The following NDE1 variants were observed in gnomAD, a reference collection of about 807,000 sequenced individuals.
NDE1 encodes the protein nuclear distribution protein nudE homolog 1.
Under a neutral mutation model 43.4 loss-of-function variants are expected in NDE1, and 28 were observed. The observed-to-expected ratio is 0.65, with a 90% confidence interval of 0.48 to 0.89. The LOEUF (loss-of-function observed/expected upper bound fraction) is 0.89. Among genes scored for constraint, NDE1 ranks in the 40% least tolerant of loss-of-function variants. The probability of loss-of-function intolerance (pLI) is 0.00; values close to 1 mark genes in which losing one functional copy is unlikely to be tolerated. For missense variants in NDE1, 441 were observed against 434.1 expected (o/e 1.02, Z -0.14); for synonymous variants, 184 against 172.0 (o/e 1.07, Z -0.55).
At chr16:15,678,395 A>G (rs902306495) in intron 4 of NDE1, among the ~76,000 whole-genome samples, 1 of 151,848 alleles carries the variant, frequency 6.6e-6, no homozygotes, top group Non-Finnish European at 1.5e-5. Context: ...GGAGACGGAG[A>G]GTCTCTGTCG....
intron 2 of NDE1, among the ~76,000 whole-genome samples, chr16:15,666,866 C>T (rs969194892): frequency 3.9e-5 from 6 of 152,168 alleles, no homozygotes; most frequent in African/African-American, 1.4e-4. Flanking sequence ...TCAAGTAATT[C>T]TTAATGAGCC....
chr16:15,712,520 TG>T (rs1355577256), intron 8 of NDE1, among the ~76,000 whole-genome samples: 1 of 152,026 alleles, frequency 6.6e-6, no homozygotes, highest in African/African-American at 2.4e-5. Flanking sequence ...TAGCTTGAAC[TG>T]GGAGGCAGAG....
Position 15,664,846 on chromosome 16 carries a change from T to C in NDE1, c.68T>C (p.Met23Thr). The C allele has an allele frequency of 3.1e-6, 5 of 1,613,222 alleles. No individual in the cohort carries two copies. Among genetic ancestry groups the C allele is most frequent in the Non-Finnish European group, 4.2e-6 (5 of 1,179,518 alleles). The stretch of plus-strand genomic sequence containing the variant: ...GCTAACTATTGGAAAGATCTGGCGA[T>C]GACCTACAAACAGAGGTCAGTCCGA... ...EEANYWKDLAMTYKQRAENTQ... is the reference protein window; with the variant it reads ...EEANYWKDLATTYKQRAENTQ... The change falls in exon 2 of 9, where the codon ATG becomes ACG. Residue 23 changes from methionine to threonine, a missense_variant. Coordinates refer to ENST00000396354, the MANE Select transcript of NDE1 (RefSeq NM_017668.3).
chr16:15,722,567 T>G (rs566320183), intron 8 of NDE1, among the ~76,000 whole-genome samples: 81 of 151,886 alleles, frequency 5.3e-4, no homozygotes, highest in Non-Finnish European at 9.7e-4. Flanking sequence ...AAAAGCAACC[T>G]CAGGCCTTCA....
chr16:15,704,972 C>G (rs79741230), intron 8 of NDE1, among the ~76,000 whole-genome samples: 4 of 152,162 alleles, frequency 2.6e-5, no homozygotes, highest in Non-Finnish European at 5.9e-5. Flanking sequence ...GGCCACCACA[C>G]CTGGCCTTCA....
Position 15,703,360 on chromosome 16 carries a change from G to A in NDE1, c.947+6500G>A, listed in dbSNP as rs112926446. 1,607 of 236,244 alleles carry A rather than the reference G, an allele frequency of 6.8e-3. 10 individuals are homozygous for A. Among genetic ancestry groups the A allele is most frequent in the Non-Finnish European group, 0.011 (1,268 of 119,180 alleles). The allele number at this position is 236,244 out of a possible 1,614,324, so 14.6% of individuals were successfully genotyped here. A position where few individuals can be genotyped will look rare whatever the true frequency, so the allele number is the denominator to read the frequency against. On this transcript the variant is annotated intron_variant, in intron 8 of 8. Coordinates refer to ENST00000396354, the MANE Select transcript of NDE1 (RefSeq NM_017668.3). ...AAGTTGGAAAGGTTTGCAGGTTAGGGAATGAATTGGGAGTGGGGGCCGGCG... is the reference window on the plus strand; with the variant it reads ...AAGTTGGAAAGGTTTGCAGGTTAGGAAATGAATTGGGAGTGGGGGCCGGCG...
intron 8 of NDE1, among the ~76,000 whole-genome samples, chr16:15,700,832 C>G (rs928867928): frequency 6.6e-6 from 1 of 152,116 alleles, no homozygotes. Flanking sequence ...GCTCTTCCCC[C>G]CAACTCCCAA....
At chr16:15,708,376 C>G (rs2039581863) in intron 8 of NDE1, among the ~76,000 whole-genome samples, 1 of 152,156 alleles carries the variant, frequency 6.6e-6, no homozygotes, top group African/African-American at 2.4e-5. Flanking sequence ...CAGGAATGTG[C>G]CCAGATAGTG....
intron 8 of NDE1, among the ~76,000 whole-genome samples, chr16:15,697,870 GATCTC>G (rs1286212715): frequency 6.7e-6 from 1 of 149,756 alleles, no homozygotes; most frequent in Non-Finnish European, 1.5e-5. Context: ...GTAGTGGCAT[GATCTC>G]AGCTCACTGC....
At chr16:15,710,463 G>A (rs1319806433) in intron 8 of NDE1, among the ~76,000 whole-genome samples, 1 of 152,194 alleles carries the variant, frequency 6.6e-6, no homozygotes, top group African/African-American at 2.4e-5. Context: ...AAAGGTTGCA[G>A]TGAGCCGAGA....
rs549324057 is a variant in NDE1 at position 15,699,341 on chromosome 16, C to A, written c.947+2481C>A. Among the ~76,000 whole-genome samples, 98 of 150,666 alleles carry A rather than the reference C, an allele frequency of 6.5e-4. 1 individual carries two copies. The highest frequency in any genetic ancestry group is 1.0e-3 in the Non-Finnish European group (68 of 67,586). On this transcript the variant is annotated intron_variant, in intron 8 of 8. Transcript: ENST00000396354. ...GTGGTGTGATCTCGGCTCACTGCAACCTCCGCCTCCTGGGCTCCAGCGATC... is the reference window on the plus strand; with the variant it reads ...GTGGTGTGATCTCGGCTCACTGCAAACTCCGCCTCCTGGGCTCCAGCGATC...
chr16:15,714,693 T>G (rs913969928), intron 8 of NDE1: 2 of 636,048 alleles, frequency 3.1e-6, no homozygotes, highest in African/African-American at 3.6e-5. Context: ...TTAAAGGATC[T>G]AGAAGGTTAG....
chr16:15,697,081 C>G, intron 8 of NDE1: 4 of 983,116 alleles, frequency 4.1e-6, no homozygotes, highest in Non-Finnish European at 4.8e-6. Flanking sequence ...CAGGGTCTCA[C>G]TCTGTCACCT....
At chr16:15,708,221 A>G (rs1453045874) in intron 8 of NDE1, among the ~76,000 whole-genome samples, 1 of 152,192 alleles carries the variant, frequency 6.6e-6, no homozygotes, top group African/African-American at 2.4e-5. Context: ...CATTTGTCAG[A>G]CATCGCAGTG....
At position 15,724,303 on chromosome 16, in the gene NDE1, T is replaced by C. The variant is rs767832212; in HGVS notation, c.*52T>C. ...ATCATAAGCGGCCGCCTTCTCCTCG[T>C]ACTGCTGGGTGAGGTTCTCGATCTC... On this transcript the variant is annotated 3_prime_UTR_variant, in exon 9 of 9. Coordinates refer to ENST00000396354, the MANE Select transcript of NDE1 (RefSeq NM_017668.3). The C allele has an allele frequency of 6.2e-7, 1 of 1,614,202 alleles. No individual in the cohort carries two copies. Among genetic ancestry groups the C allele is most frequent in the Non-Finnish European group, 8.5e-7 (1 of 1,180,026 alleles).
chr16:15,667,620 G>A (rs986781128), intron 3 of NDE1, among the ~76,000 whole-genome samples, 181 bp downstream of exon 3: 2 of 133,860 alleles, frequency 1.5e-5, no homozygotes, highest in Admixed American at 1.7e-4. Context: ...AGTGGGTGGT[G>A]CTTTTTGTTT....
At chr16:15,661,426 G>A (rs1187923324) in intron 1 of NDE1, among the ~76,000 whole-genome samples, 2 of 151,922 alleles carry the variant, frequency 1.3e-5, no homozygotes, top group Non-Finnish European at 2.9e-5. Context: ...GGGATTACAG[G>A]TGTGAGCCAC....
chr16:15,697,741 A>G (rs1318247769), intron 8 of NDE1, among the ~76,000 whole-genome samples: 1 of 152,138 alleles, frequency 6.6e-6, no homozygotes, highest in African/African-American at 2.4e-5. Flanking sequence ...TTAAATAAAA[A>G]TAAAGCCCTT....
intron 3 of NDE1, among the ~76,000 whole-genome samples, chr16:15,671,342 AAAAAAT>A (rs1567631824): frequency 1.3e-5 from 2 of 152,086 alleles, no homozygotes; most frequent in African/African-American, 4.8e-5. Context: ...TGTCTCTACA[AAAAAAT>A]AAAAATAAAA....
Sources: allele counts gnomAD v4.1 joint callset (sites outside exome capture counted in the v4.1 genomes callset), GRCh38; gene constraint gnomAD v4.1.1; transcripts MANE v1.5; gene names NCBI Gene and HGNC (gene_info 2026-07-23, HGNC 2026-07-21).